ENO4: variants seen among roughly 807,000 people sequenced by gnomAD.
The protein encoded by ENO4 is 2-phospho-D-glycerate hydro-lyase.
ENO4 carries 53 observed loss-of-function variants against 63.2 expected under a neutral mutation model. The ratio of observed to expected loss-of-function variants is 0.84; its 90% CI spans 0.67 to 1.05. The LOEUF (loss-of-function observed/expected upper bound fraction) is 1.05, where lower values mean the gene tolerates loss of function less well. Among genes scored for constraint, ENO4 ranks in the 50% least tolerant of loss-of-function variants. The probability of loss-of-function intolerance (pLI) is 0.00; values close to 1 mark genes in which losing one functional copy is unlikely to be tolerated. For synonymous variants in ENO4, 266 were observed against 283.8 expected (o/e 0.94, Z 0.63); for missense variants, 719 against 772.0 (o/e 0.93, Z 0.81).
At chr10:116,863,980 C>T (rs919344904) in intron 7 of ENO4, among the ~76,000 whole-genome samples, 5 of 152,156 alleles carry the variant, frequency 3.3e-5, no homozygotes, top group African/African-American at 1.2e-4. Context: ...AGTCTCTCTG[C>T]CTCGGGTTCC....
chr10:116,851,854 T>C (rs556732322), intron 1 of ENO4, among the ~76,000 whole-genome samples: 1 of 152,198 alleles, frequency 6.6e-6, no homozygotes, highest in East Asian at 1.9e-4. Flanking sequence ...CCCTGAAATA[T>C]CTGCTCACCA....
chr10:116,904,973 G>A (rs1267673146), intron 10 of ENO4, among the ~76,000 whole-genome samples: 5 of 151,184 alleles, frequency 3.3e-5, no homozygotes, highest in South Asian at 4.4e-4. Flanking sequence ...AGGCCGAGGC[G>A]GGTGGATCAT....
chr10:116,881,549 T>C lies in ENO4; in HGVS notation c.1758T>C (p.Asn586=). ...AAGAACACACTTTTTTTTACTTTAA[T>C]GAGGAAGCTGAAAAGGCTGCGGAGG... ...FKEEHTFFYF[N]EEAEKAAEAL... The change falls in exon 14 of 14, where the codon AAT becomes AAC. Residue 586 remains asparagine, a synonymous_variant. Coordinates refer to ENST00000341276, the MANE Select transcript of ENO4 (RefSeq NM_001242699.2). 1.3e-6 allele frequency: 2 copies of C among 1,547,610 alleles called. No individual in the cohort carries two copies. Among genetic ancestry groups the C allele is most frequent in the Middle Eastern group, 1.7e-4 (1 of 5,868 alleles).
At chr10:116,881,029 C>G (rs774474457) in intron 13 of ENO4, among the ~76,000 whole-genome samples, 3 of 152,058 alleles carry the variant, frequency 2.0e-5, no homozygotes, top group African/African-American at 4.8e-5. Flanking sequence ...ATTAAAGGGA[C>G]CAAAAACTGG....
chr10:116,892,676 C>T (rs528856765), intron 10 of ENO4, among the ~76,000 whole-genome samples: 80 of 152,054 alleles, frequency 5.3e-4, no homozygotes, highest in African/African-American at 1.7e-3. Flanking sequence ...CTTTTAAGAT[C>T]GAAAGTCACA....
downstream of ENO4, chr10:116,883,991 G>T (rs572376104): frequency 4.6e-6 from 1 of 215,906 alleles, no homozygotes; most frequent in South Asian, 5.1e-5. Context: ...TTCCTCACTC[G>T]GGCTATAAAA....
At chr10:116,878,579 C>T (rs369904606) in intron 11 of ENO4, among the ~76,000 whole-genome samples, 194 of 152,166 alleles carry the variant, frequency 1.3e-3, no homozygotes, top group African/African-American at 4.5e-3. Flanking sequence ...GTTACTCTTA[C>T]CATATTTCAC....
chr10:116,902,263 T>C, intron 10 of ENO4, among the ~76,000 whole-genome samples: 1 of 152,116 alleles, frequency 6.6e-6, no homozygotes, highest in Non-Finnish European at 1.5e-5. Context: ...AGTCTTTTCC[T>C]CTCATAGAGT....
At chr10:116,905,159 G>A (rs1022451958) in intron 10 of ENO4, among the ~76,000 whole-genome samples, 5 of 144,756 alleles carry the variant, frequency 3.5e-5, no homozygotes, top group South Asian at 4.5e-4. Flanking sequence ...CCGAGATTGC[G>A]CCACTGCAGT....
chr10:116,895,308 C>T (rs1847479713), intron 10 of ENO4, among the ~76,000 whole-genome samples: 1 of 152,152 alleles, frequency 6.6e-6, no homozygotes, highest in African/African-American at 2.4e-5. Context: ...AGAACTTATG[C>T]TGACGACTAA....
At chr10:116,894,331 A>G (rs1214615879) in intron 10 of ENO4, among the ~76,000 whole-genome samples, 1 of 152,212 alleles carries the variant, frequency 6.6e-6, no homozygotes, top group Non-Finnish European at 1.5e-5. Context: ...TTGAAGTCTT[A>G]TAATTGCCAC....
chr10:116,858,921 A>T (rs1003484379), intron 3 of ENO4, 69 bp from the exon 4 acceptor site: 4 of 1,082,202 alleles, frequency 3.7e-6, no homozygotes, highest in Non-Finnish European at 3.9e-6. Context: ...CATCTCTAAA[A>T]CATGACCAAA....
At chr10:116,880,980 C>G (rs932710556) in intron 13 of ENO4, among the ~76,000 whole-genome samples, 3 of 152,102 alleles carry the variant, frequency 2.0e-5, no homozygotes, top group African/African-American at 7.2e-5. Context: ...ATTAACAGAT[C>G]GAGGAGAATT....
intron 1 of ENO4, among the ~76,000 whole-genome samples, chr10:116,851,212 A>T (rs1041041419): frequency 6.6e-6 from 1 of 152,250 alleles, no homozygotes; most frequent in African/African-American, 2.4e-5. Context: ...GTTTGGGACA[A>T]AAGTCACTAA....
chr10:116,887,292 T>G (rs1589772970), downstream of ENO4, among the ~76,000 whole-genome samples: 1 of 152,324 alleles, frequency 6.6e-6, no homozygotes, highest in East Asian at 1.9e-4. Flanking sequence ...CTATGGCTTC[T>G]CAGGCTGAAT....
chr10:116,874,135 C>A lies in ENO4; in HGVS notation c.1275C>A (p.Asp425Glu). 1.9e-6 allele frequency: 3 copies of A among 1,549,584 alleles called. No individual in the cohort carries two copies. Among genetic ancestry groups the A allele is most frequent in the Non-Finnish European group, 2.6e-6 (3 of 1,146,052 alleles). ...ACAAAAATGCAGCGGAGATGGTTGA[C>A]CTGTATGTGGATCTGATCAACAAGT... ...GTYKNAAEMV[D>E]LYVDLINKYP... is the part of the protein sequence containing the mutation. The change falls in exon 10 of 14, where the codon GAC becomes GAA. Residue 425 changes from aspartate to glutamate, a missense_variant. Around this residue, in one of 3 missense-constraint regions of ENO4, gnomAD observed 544 missense variants for 583.6 expected, o/e 0.93. Coordinates refer to ENST00000341276, the MANE Select transcript of ENO4 (RefSeq NM_001242699.2).
At chr10:116,853,536 G>T (rs1409235202) in intron 1 of ENO4, among the ~76,000 whole-genome samples, 1 of 152,096 alleles carries the variant, frequency 6.6e-6, no homozygotes, top group African/African-American at 2.4e-5. Context: ...TGTGGTTTGA[G>T]ATATAGTGAT....
downstream of ENO4, among the ~76,000 whole-genome samples, chr10:116,887,346 G>A (rs1380538466): frequency 2.6e-5 from 4 of 152,160 alleles, no homozygotes; most frequent in Admixed American, 1.3e-4. Context: ...TGAAACACCC[G>A]AAGGTTCAGG....
chr10:116,854,220 A>G (rs1398236874), intron 1 of ENO4, among the ~76,000 whole-genome samples: 1 of 152,132 alleles, frequency 6.6e-6, no homozygotes, highest in Non-Finnish European at 1.5e-5. Context: ...GCCGTCACGT[A>G]AGTCTTCACC....
Sources: allele counts gnomAD v4.1 joint callset (sites outside exome capture counted in the v4.1 genomes callset), GRCh38; gene constraint gnomAD v4.1.1; regional missense constraint gnomAD v4.1.1; transcripts MANE v1.5; gene names NCBI Gene and HGNC (gene_info 2026-07-23, HGNC 2026-07-21).